Variants in ARHGEF10L observed in about 807,000 individuals in gnomAD.
ARHGEF10L encodes rho guanine nucleotide exchange factor 10-like protein.
A neutral mutation model predicts 141.2 loss-of-function variants in ARHGEF10L; 69 were observed. The ratio of observed to expected loss-of-function variants is 0.49; its 90% confidence interval spans 0.40 to 0.60. The LOEUF (loss-of-function observed/expected upper bound fraction) is 0.60. ARHGEF10L is among the 20% of genes least tolerant of loss of function. The probability of loss-of-function intolerance (pLI) is 0.00; values close to 1 mark genes in which losing one functional copy is unlikely to be tolerated. For synonymous variants in ARHGEF10L, 711 were observed against 718.5 expected, an observed-to-expected ratio of 0.99 and a Z score of 0.17; for missense variants, 1,482 against 1,734.3, an observed-to-expected ratio of 0.85 and a Z score of 2.58.
intron 26 of ARHGEF10L, among the ~76,000 whole-genome samples, chr1:17,680,940 T>C (rs2064086696): frequency 6.6e-6 from 1 of 152,074 alleles, no homozygotes; most frequent in Admixed American, 6.5e-5. Context: ...CCCACCACCA[T>C]GCCCAGATAA....
At chr1:17,542,011 C>T (rs541062689) in intron 1 of ARHGEF10L, among the ~76,000 whole-genome samples, 23 of 148,002 alleles carry the variant, frequency 1.6e-4, no homozygotes, top group African/African-American at 3.5e-4. Flanking sequence ...TGGTGGTGCA[C>T]GTCTGTAATC....
At chr1:17,672,198 C>A (rs898209080) in intron 26 of ARHGEF10L, among the ~76,000 whole-genome samples, 2 of 140,304 alleles carry the variant, frequency 1.4e-5, no homozygotes, top group African/African-American at 2.6e-5. Context: ...CCACCCCCCG[C>A]CCCAGCCGCC....
chr1:17,614,448 T>A (rs1013700561), intron 8 of ARHGEF10L, among the ~76,000 whole-genome samples: 8 of 152,156 alleles, frequency 5.3e-5, no homozygotes, highest in Non-Finnish European at 1.0e-4. Flanking sequence ...GGCCTGTTCT[T>A]TTTTGCCCAG....
At chr1:17,559,369 T>C (rs910939424) in intron 1 of ARHGEF10L, among the ~76,000 whole-genome samples, 3 of 152,002 alleles carry the variant, frequency 2.0e-5, no homozygotes, top group Non-Finnish European at 4.4e-5. Context: ...AGGGGCTGGG[T>C]ATTTATTAGC....
chr1:17,647,008 C>T (rs894823744), intron 21 of ARHGEF10L, among the ~76,000 whole-genome samples: 1 of 152,036 alleles, frequency 6.6e-6, no homozygotes, highest in African/African-American at 2.4e-5. Context: ...GCAAAGATGA[C>T]TGTAGTGTCA....
chr1:17,661,381 A>G (rs2062616005), intron 25 of ARHGEF10L, among the ~76,000 whole-genome samples: 1 of 152,150 alleles, frequency 6.6e-6, no homozygotes, highest in Admixed American at 6.5e-5. Flanking sequence ...CCCGGCCTTT[A>G]TGAGTTTTTT....
intron 26 of ARHGEF10L, among the ~76,000 whole-genome samples, chr1:17,684,552 G>A (rs933036800): frequency 6.6e-6 from 1 of 152,142 alleles, no homozygotes; most frequent in African/African-American, 2.4e-5. Flanking sequence ...AGAGACCCCC[G>A]ATACCTCTGG....
At chr1:17,580,327 T>C (rs1180498628) in intron 1 of ARHGEF10L, among the ~76,000 whole-genome samples, 1 of 152,184 alleles carries the variant, frequency 6.6e-6, no homozygotes, top group Admixed American at 6.5e-5. Context: ...AACAGGAAGG[T>C]CTGTGGCTGC....
chr1:17,667,832 A>G (rs2063079115), intron 26 of ARHGEF10L, among the ~76,000 whole-genome samples: 1 of 152,052 alleles, frequency 6.6e-6, no homozygotes, highest in Non-Finnish European at 1.5e-5. Context: ...AGACTTCAGG[A>G]GTGGGTAGGA....
intron 21 of ARHGEF10L, among the ~76,000 whole-genome samples, chr1:17,641,218 T>C (rs796855590): frequency 6.6e-6 from 1 of 152,366 alleles, no homozygotes; most frequent in African/African-American, 2.4e-5. Flanking sequence ...GAGCTATTAT[T>C]CCCTATGATG....
rs1322587235 is a variant in ARHGEF10L at position 17,603,404 on chromosome 1, G to A, written c.350-104G>A. 48 of 815,726 alleles carry A rather than the reference G, an allele frequency of 5.9e-5. No homozygotes were observed. The Admixed American group carries it at 9.0e-4, about 15-fold the overall frequency. 50.5% of individuals were successfully genotyped at this position (815,726 alleles called of 1,614,324 possible). On this transcript the variant is annotated intron_variant, in intron 5 of 28. Transcript: ENST00000361221. The surrounding 1 kb of genome is among the most constrained non-coding windows in gnomAD (Gnocchi z 4.8). ...CTGGGCTGGGCTATCAGAAAGGAGG[G>A]TGCTGCGTGCCACCAGCTGGTGCAG...
intron 1 of ARHGEF10L, among the ~76,000 whole-genome samples, chr1:17,578,236 C>T (rs2078302758): frequency 6.6e-6 from 1 of 152,160 alleles, no homozygotes; most frequent in African/African-American, 2.4e-5. Context: ...AATGAGCCCA[C>T]TGGGAGGGGG....
chr1:17,578,481 TTGGGACCAGCCTGGGCAACAGAGTAAGA>T (rs2078314969), intron 1 of ARHGEF10L, among the ~76,000 whole-genome samples: 1 of 152,158 alleles, frequency 6.6e-6, no homozygotes. Flanking sequence ...GCCCAGGAGT[TTGGGACCAGCCTGGGCAACAGAGTAAGA>T]CCCTATCTCT....
chr1:17,552,429 T>A (rs1315634921), intron 1 of ARHGEF10L, among the ~76,000 whole-genome samples: 2 of 151,966 alleles, frequency 1.3e-5, no homozygotes, highest in Non-Finnish European at 2.9e-5. Flanking sequence ...AGATAGAATC[T>A]CACTGTGTCA....
chr1:17,587,756 A>G, intron 3 of ARHGEF10L, 111 bp downstream of exon 3: 1 of 1,250,424 alleles, frequency 8.0e-7, no homozygotes, highest in African/African-American at 1.5e-5. Flanking sequence ...GTCCCCAGAA[A>G]GCAGGAAGGG....
Position 17,656,232 on chromosome 1 carries a change from G to A in ARHGEF10L, c.2705+130G>A. 1 of 1,173,124 alleles carries A rather than the reference G, an allele frequency of 8.5e-7. No individual in the cohort carries two copies. The highest frequency in any genetic ancestry group is 1.2e-6 in the Non-Finnish European group (1 of 836,638). The allele number at this position is 1,173,124 out of a possible 1,614,324, so 72.7% of individuals were successfully genotyped here. ...CTCTGCCCCTGGTCTCCAGGAAGGT[G>A]GGCACCAGAGCTGCCCAGTGTGGGA... is the stretch of plus-strand genomic sequence containing the variant. On this transcript the variant is annotated intron_variant, in intron 24 of 28. Coordinates refer to ENST00000361221, the MANE Select transcript of ARHGEF10L (RefSeq NM_018125.4). This position sits in a 1 kb window ranked among gnomAD's most constrained non-coding sequence, Gnocchi z 4.9.
chr1:17,514,251 T>C, the ARHGEF10L span, among the ~76,000 whole-genome samples: 1 of 145,738 alleles, frequency 6.9e-6, no homozygotes. Context: ...TTCTCCTGCC[T>C]CAGCCTCCCG....
intron 1 of ARHGEF10L, among the ~76,000 whole-genome samples, chr1:17,544,005 G>A (rs1166943379): frequency 6.7e-6 from 1 of 149,110 alleles, no homozygotes; most frequent in Non-Finnish European, 1.5e-5. Context: ...GGAATGCAGT[G>A]GCGTGATCTC....
At chr1:17,601,577 C>T (rs191511117) in intron 4 of ARHGEF10L, among the ~76,000 whole-genome samples, 194 of 152,316 alleles carry the variant, frequency 1.3e-3, no homozygotes, top group Non-Finnish European at 2.4e-3. Context: ...TCCTGAGTAG[C>T]TGGGGCTACA....
Sources: allele counts gnomAD v4.1 joint callset (sites outside exome capture counted in the v4.1 genomes callset), GRCh38; gene constraint gnomAD v4.1.1; non-coding constraint Gnocchi (gnomAD v3.1); transcripts MANE v1.5; gene names NCBI Gene and HGNC (gene_info 2026-07-23, HGNC 2026-07-21).